PARP11: variants seen among roughly 807,000 people sequenced by gnomAD.
PARP11 encodes the protein protein mono-ADP-ribosyltransferase PARP11.
Under a neutral mutation model 42.9 loss-of-function variants are expected in PARP11, and 31 were observed. The observed-to-expected ratio is 0.72, with a 90% confidence interval of 0.54 to 0.98. PARP11 has a LOEUF of 0.98. PARP11 is among the 50% of genes least tolerant of loss of function. The pLI is 0.00. For missense variants in PARP11, 365 were observed against 413.1 expected (o/e 0.88, Z 1.01); for synonymous variants, 137 against 127.3 (o/e 1.08, Z -0.51).
intron 6 of PARP11, 52 bp from the exon 7 acceptor site, chr12:3,814,240 T>G (rs965639198): frequency 2.9e-6 from 4 of 1,396,434 alleles, no homozygotes; most frequent in Non-Finnish European, 3.8e-6. Context: ...ATACCATAAG[T>G]AGCATTTATT....
intron 6 of PARP11, among the ~76,000 whole-genome samples, chr12:3,817,166 G>C (rs1232038262): frequency 6.6e-6 from 1 of 150,752 alleles, no homozygotes; most frequent in East Asian, 1.9e-4. Flanking sequence ...ACTCCAGCTT[G>C]GGTGTCAGAA....
At chr12:3,857,997 A>AT in intron 1 of PARP11, among the ~76,000 whole-genome samples, 1 of 152,312 alleles carries the variant, frequency 6.6e-6, no homozygotes, top group Admixed American at 6.5e-5. Context: ...GATGCCACAA[A>AT]TGCAGTTGCC....
intron 1 of PARP11, among the ~76,000 whole-genome samples, chr12:3,856,126 A>G (rs1414797403): frequency 1.3e-5 from 2 of 152,228 alleles, no homozygotes; most frequent in Non-Finnish European, 2.9e-5. Context: ...TTAATTTTCA[A>G]GATGGATTCA....
At chr12:3,830,045 A>G (rs1185178237) in intron 1 of PARP11, 27 bp from the exon 2 acceptor site, 1 of 1,606,136 alleles carries the variant, frequency 6.2e-7, no homozygotes, top group Non-Finnish European at 8.5e-7. Flanking sequence ...AGGTGGAGGA[A>G]GAAATAATTC....
intron 1 of PARP11, among the ~76,000 whole-genome samples, chr12:3,835,893 A>C (rs1282484818): frequency 6.6e-6 from 1 of 152,182 alleles, no homozygotes; most frequent in Non-Finnish European, 1.5e-5. Context: ...AGCATTAGAG[A>C]AATGTGGGAT....
chr12:3,822,219 T>C (rs190437102), intron 4 of PARP11, 62 bp from the exon 5 acceptor site: 199 of 1,238,506 alleles, frequency 1.6e-4, no homozygotes, highest in Non-Finnish European at 5.4e-5. Context: ...GTCAAGAACT[T>C]AGCCCTTCTT....
rs528913716 is a variant in PARP11, at chr12:3,845,973, C to T, written c.19-15955G>A. Among the ~76,000 whole-genome samples, 8 of 152,154 alleles carry T rather than the reference C, an allele frequency of 5.3e-5. No homozygotes were observed. In the East Asian group the frequency reaches 1.4e-3, roughly 26 times the overall value. ...AGCTGAAAATTTTGTGTATGAAAAA[C>T]GATAATAGCCTTACACTGAGTACAA... is the stretch of plus-strand genomic sequence containing the variant. On this transcript the variant is annotated intron_variant, in intron 1 of 7. Transcript: ENST00000228820.
intron 1 of PARP11, among the ~76,000 whole-genome samples, chr12:3,832,400 A>G (rs56723889): frequency 0.026 from 3,885 of 152,306 alleles, 164 homozygotes; most frequent in African/African-American, 0.089. Flanking sequence ...TACAGAGAAT[A>G]TTAAAGCAAC....
At chr12:3,821,816 T>G (rs1947399911) in intron 6 of PARP11, 57 bp downstream of exon 6, 1 of 1,518,640 alleles carries the variant, frequency 6.6e-7, no homozygotes. Flanking sequence ...AATATTTATG[T>G]TTTAACCATA....
intron 7 of PARP11, among the ~76,000 whole-genome samples, chr12:3,813,184 A>G (rs1947218807): frequency 1.3e-5 from 2 of 152,252 alleles, no homozygotes; most frequent in South Asian, 2.1e-4. Flanking sequence ...GTCAACATCC[A>G]GCAAAGCTCT....
At chr12:3,818,518 C>G (rs1020307870) in intron 6 of PARP11, among the ~76,000 whole-genome samples, 1 of 152,178 alleles carries the variant, frequency 6.6e-6, no homozygotes, top group Non-Finnish European at 1.5e-5. Context: ...TAGGTCCTTT[C>G]CAATTACAAT....
chr12:3,836,444 C>T (rs190658126), intron 1 of PARP11, among the ~76,000 whole-genome samples: 1 of 152,172 alleles, frequency 6.6e-6, no homozygotes, highest in Non-Finnish European at 1.5e-5. Flanking sequence ...AGAGAATTCA[C>T]TGCTAGCAAA....
At chr12:3,846,784 G>A (rs1264678134) in intron 1 of PARP11, among the ~76,000 whole-genome samples, 12 of 131,872 alleles carry the variant, frequency 9.1e-5, no homozygotes, top group African/African-American at 2.6e-4. Flanking sequence ...AAAGAAAAAA[G>A]AAATAGAAAA....
At position 3,861,753 on chromosome 12, in the gene PARP11, G is replaced by T. The variant is rs1333496160; in HGVS notation, c.18+11459C>A. On this transcript the variant is annotated intron_variant, in intron 1 of 7. Transcript: ENST00000228820. The surrounding 1 kb of genome is among the most constrained non-coding windows in gnomAD (Gnocchi z 4.6). ...AAAAAGAATCTTTGTGGCCAGGCGTGGTGGCTCACGCCTGTAATCCCAGTA... is the reference window on the plus strand; with the variant it reads ...AAAAAGAATCTTTGTGGCCAGGCGTTGTGGCTCACGCCTGTAATCCCAGTA... Among the ~76,000 whole-genome samples, 1 of 152,018 alleles carries T rather than the reference G, an allele frequency of 6.6e-6. No individual in the cohort carries two copies. The highest frequency in any genetic ancestry group is 2.4e-5 in the African/African-American group (1 of 41,400).
intron 1 of PARP11, among the ~76,000 whole-genome samples, chr12:3,864,850 T>C (rs1948362116): frequency 6.6e-6 from 1 of 152,206 alleles, no homozygotes. Context: ...CTCAAAGAAC[T>C]AGCTTTCAGT....
At chr12:3,857,218 TATACATATGAAACAA>T in intron 1 of PARP11, among the ~76,000 whole-genome samples, 1 of 152,118 alleles carries the variant, frequency 6.6e-6, no homozygotes, top group Middle Eastern at 3.4e-3. Flanking sequence ...ATGGCACATG[TATACATATGAAACAA>T]ACCTGTACGT....
intron 1 of PARP11, among the ~76,000 whole-genome samples, chr12:3,865,875 C>T (rs942646624): frequency 7.1e-5 from 10 of 141,746 alleles, no homozygotes; most frequent in African/African-American, 1.8e-4. Flanking sequence ...TTTAAGTTTA[C>T]GTCTTGTTAT....
intron 1 of PARP11, among the ~76,000 whole-genome samples, chr12:3,843,153 A>G (rs1468850210): frequency 6.6e-6 from 1 of 152,232 alleles, no homozygotes; most frequent in African/African-American, 2.4e-5. Flanking sequence ...TGTTGTATAT[A>G]GTTCTTTTAA....
At chr12:3,864,599 C>T (rs1948357024) in intron 1 of PARP11, among the ~76,000 whole-genome samples, 1 of 152,104 alleles carries the variant, frequency 6.6e-6, no homozygotes, top group Non-Finnish European at 1.5e-5. Flanking sequence ...AGATGTTGGA[C>T]TATTTGTGTT....
Sources: allele counts gnomAD v4.1 joint callset (sites outside exome capture counted in the v4.1 genomes callset), GRCh38; gene constraint gnomAD v4.1.1; non-coding constraint Gnocchi (gnomAD v3.1); transcripts MANE v1.5; gene names NCBI Gene and HGNC (gene_info 2026-07-23, HGNC 2026-07-21).